SLC16A10: variants seen among roughly 807,000 people sequenced by gnomAD.
SLC16A10 encodes monocarboxylate transporter 10.
A neutral mutation model predicts 40.0 loss-of-function variants in SLC16A10; 27 were observed. The observed-to-expected ratio is 0.67, with a 90% confidence interval of 0.50 to 0.93. SLC16A10 has a LOEUF of 0.93. Ranked by LOEUF, SLC16A10 falls within the 40% of genes least tolerant of loss-of-function variation. SLC16A10 has a pLI of 0.00. For missense variants in SLC16A10, 529 were observed against 658.2 expected, an observed-to-expected ratio of 0.80 and a Z score of 2.15; for synonymous variants, 213 against 249.8, an observed-to-expected ratio of 0.85 and a Z score of 1.39.
At chr6:111,135,962 A>G (rs915626650) in intron 1 of SLC16A10, among the ~76,000 whole-genome samples, 3 of 152,352 alleles carry the variant, frequency 2.0e-5, no homozygotes, top group African/African-American at 7.2e-5. Flanking sequence ...TGAGGAATGT[A>G]TCCAGCCTAT....
chr6:111,146,570 A>G (rs561822461), intron 1 of SLC16A10, among the ~76,000 whole-genome samples: 2 of 152,072 alleles, frequency 1.3e-5, no homozygotes, highest in East Asian at 3.9e-4. Flanking sequence ...CCCCATCTCT[A>G]CTAAAAATAC....
intron 1 of SLC16A10, among the ~76,000 whole-genome samples, chr6:111,149,263 G>A (rs992202112): frequency 6.6e-6 from 1 of 152,112 alleles, no homozygotes; most frequent in African/African-American, 2.4e-5. Context: ...TTCTGCATTG[G>A]TTTAAGGAAC....
intron 1 of SLC16A10, among the ~76,000 whole-genome samples, chr6:111,129,986 A>G (rs1032662420): frequency 5.9e-5 from 9 of 152,228 alleles, no homozygotes; most frequent in Admixed American, 1.3e-4. Context: ...AAAATAATTT[A>G]TACAACTAGA....
At chr6:111,137,575 C>T (rs1217552992) in intron 1 of SLC16A10, among the ~76,000 whole-genome samples, 1 of 152,214 alleles carries the variant, frequency 6.6e-6, no homozygotes, top group Non-Finnish European at 1.5e-5. Context: ...ACCGCGGACC[C>T]TTGGACCGGC....
chr6:111,226,440 A>G lies in SLC16A10; in HGVS notation c.*4205A>G, dbSNP rs2114600845. 6.6e-6 allele frequency: 1 copy of G among 152,316 alleles called. No homozygotes were observed. Among genetic ancestry groups the G allele is most frequent in the African/African-American group, 2.4e-5 (1 of 41,570 alleles). 9.4% of individuals were successfully genotyped at this position (152,316 alleles called of 1,614,324 possible). ...AGATACAAGTAGAAATGCATAAGCTAATTAGCTCCAATTTTATAATATGTA... is the reference window on the plus strand; with the variant it reads ...AGATACAAGTAGAAATGCATAAGCTGATTAGCTCCAATTTTATAATATGTA... On this transcript the variant is annotated 3_prime_UTR_variant, in exon 6 of 6. Transcript: ENST00000368851.
chr6:111,207,335 CT>C (rs970640708), intron 4 of SLC16A10, among the ~76,000 whole-genome samples: 2 of 152,112 alleles, frequency 1.3e-5, no homozygotes, highest in African/African-American at 4.8e-5. Context: ...ATCCTGTGCC[CT>C]TTGCATGTCT....
At chr6:111,107,662 A>G (rs12199840) in intron 1 of SLC16A10, among the ~76,000 whole-genome samples, 16,983 of 152,252 alleles carry the variant, frequency 0.11, 1,249 homozygotes, top group Middle Eastern at 0.18. Context: ...GAGAGGAAAC[A>G]TGGCTTTACC....
At chr6:111,146,732 G>A (rs1050938973) in intron 1 of SLC16A10, among the ~76,000 whole-genome samples, 3 of 148,042 alleles carry the variant, frequency 2.0e-5, no homozygotes, top group South Asian at 2.1e-4. Flanking sequence ...GCGAGACTCC[G>A]TCTCAAAAAA....
In SLC16A10 at chr6:111,227,859, C is replaced by T. The variant is rs1193850977; in HGVS notation, c.*5624C>T. ...ATGACAATTCATCTACCTCCGCTTT[C>T]CGTGTCCAGCTGAAAGCCCAGCTGA... On this transcript the variant is annotated 3_prime_UTR_variant, in exon 6 of 6. Transcript: ENST00000368851. The T allele has an allele frequency of 6.6e-6, 1 of 152,200 alleles. No individual in the cohort carries two copies. The highest frequency in any genetic ancestry group is 6.5e-5 in the Admixed American group (1 of 15,274). The allele number at this position is 152,200 out of a possible 1,614,324, so 9.4% of individuals were successfully genotyped here. A position where few individuals can be genotyped will look rare whatever the true frequency, so the allele number is the denominator to read the frequency against.
At chr6:111,206,216 A>G (rs1773250531) in intron 3 of SLC16A10, among the ~76,000 whole-genome samples, 1 of 151,540 alleles carries the variant, frequency 6.6e-6, no homozygotes, top group African/African-American at 2.4e-5. Context: ...AGCTGGGATT[A>G]CAGGCATGCG....
chr6:111,168,227 A>G (rs1772515358), intron 1 of SLC16A10, among the ~76,000 whole-genome samples: 1 of 152,032 alleles, frequency 6.6e-6, no homozygotes, highest in Non-Finnish European at 1.5e-5. Context: ...TGATCCACCC[A>G]CCTCGGGCTC....
At chr6:111,191,176 A>C (rs1772984767) in intron 3 of SLC16A10, among the ~76,000 whole-genome samples, 1 of 150,904 alleles carries the variant, frequency 6.6e-6, no homozygotes, top group Non-Finnish European at 1.5e-5. Flanking sequence ...GTAGCCCCCC[A>C]CTCCCCTGAC....
chr6:111,150,789 C>A (rs1343070258), intron 1 of SLC16A10, among the ~76,000 whole-genome samples: 1 of 152,180 alleles, frequency 6.6e-6, no homozygotes, highest in Non-Finnish European at 1.5e-5. Flanking sequence ...ACTGAGAAGT[C>A]CCTGAATGGA....
At chr6:111,177,126 A>T in intron 2 of SLC16A10, 86 bp from the exon 3 acceptor site, 1 of 966,166 alleles carries the variant, frequency 1.0e-6, no homozygotes, top group Non-Finnish European at 1.4e-6. Context: ...ATGAACAAAA[A>T]CCCACTTATA....
chr6:111,089,862 G>GT (rs1230241816), intron 1 of SLC16A10, among the ~76,000 whole-genome samples: 5 of 91,398 alleles, frequency 5.5e-5, no homozygotes, highest in African/African-American at 2.1e-4. Context: ...GTTTATCATT[G>GT]TTTTTGCAAA....
At chr6:111,171,688 C>A (rs1772588242) in intron 1 of SLC16A10, among the ~76,000 whole-genome samples, 1 of 151,776 alleles carries the variant, frequency 6.6e-6, no homozygotes, top group Non-Finnish European at 1.5e-5. Flanking sequence ...TGGTGGTGCA[C>A]ACCTGTGGTT....
chr6:111,110,681 G>C (rs1425807285), intron 1 of SLC16A10, among the ~76,000 whole-genome samples: 1 of 152,074 alleles, frequency 6.6e-6, no homozygotes, highest in Non-Finnish European at 1.5e-5. Context: ...ATAAGGAAAA[G>C]GTTTGAGAAT....
chr6:111,195,970 A>G (rs1036905984), intron 3 of SLC16A10, among the ~76,000 whole-genome samples: 1 of 152,114 alleles, frequency 6.6e-6, no homozygotes, highest in Non-Finnish European at 1.5e-5. Context: ...CTTGGATTCA[A>G]CCAACCATGG....
intron 1 of SLC16A10, among the ~76,000 whole-genome samples, chr6:111,089,188 T>C (rs1228071073): frequency 1.3e-5 from 2 of 152,176 alleles, no homozygotes; most frequent in African/African-American, 4.8e-5. Flanking sequence ...TGGGCAAGAC[T>C]GTAATAAATT....
Sources: allele counts gnomAD v4.1 joint callset (sites outside exome capture counted in the v4.1 genomes callset), GRCh38; gene constraint gnomAD v4.1.1; transcripts MANE v1.5; gene names NCBI Gene and HGNC (gene_info 2026-07-23, HGNC 2026-07-21).